Variants in EYS observed in about 807,000 individuals in gnomAD.
EYS encodes protein eyes shut homolog.
In EYS, 250 loss-of-function variants were observed where a neutral mutation model predicts 282.1. The ratio of observed to expected loss-of-function variants is 0.89; its 90% CI spans 0.80 to 0.98. EYS has a LOEUF of 0.98. EYS is among the 50% of genes least tolerant of loss of function. EYS has a pLI of 0.00. For synonymous variants in EYS, 1,355 were observed against 1,282.9 expected (o/e 1.06, Z -1.20); for missense variants, 4,016 against 3,709.0 (o/e 1.08, Z -2.15).
At chr6:64,952,892 A>G (rs988718802) in intron 14 of EYS, among the ~76,000 whole-genome samples, 1 of 152,016 alleles carries the variant, frequency 6.6e-6, no homozygotes, top group Admixed American at 6.6e-5. Context: ...ATTATCATCA[A>G]TAATAACATC....
chr6:64,257,898 G>T (rs1360544159), intron 30 of EYS, among the ~76,000 whole-genome samples: 2 of 151,872 alleles, frequency 1.3e-5, no homozygotes, highest in African/African-American at 4.8e-5. Context: ...TTACTTAATT[G>T]TTGACAACTA....
intron 30 of EYS, among the ~76,000 whole-genome samples, chr6:64,300,191 T>C (rs1769184325): frequency 6.6e-6 from 1 of 152,132 alleles, no homozygotes. Context: ...CATTAGAGGC[T>C]GGAGCCACGT....
At chr6:65,137,055 G>A (rs569777078) in intron 12 of EYS, among the ~76,000 whole-genome samples, 1 of 151,884 alleles carries the variant, frequency 6.6e-6, no homozygotes, top group Non-Finnish European at 1.5e-5. Flanking sequence ...GCAGATATTC[G>A]AGATACACAG....
At chr6:64,746,566 T>C (rs1196331662) in intron 22 of EYS, among the ~76,000 whole-genome samples, 1 of 152,198 alleles carries the variant, frequency 6.6e-6, no homozygotes, top group African/African-American at 2.4e-5. Context: ...CATTTATGTG[T>C]TTTTTAAACC....
chr6:64,159,662 C>T (rs1487144696), intron 31 of EYS, among the ~76,000 whole-genome samples: 1 of 151,698 alleles, frequency 6.6e-6, no homozygotes, highest in Admixed American at 6.6e-5. Context: ...GATGTGAAAC[C>T]CACAGATATG....
At chr6:65,223,681 C>A (rs1265348067) in intron 12 of EYS, among the ~76,000 whole-genome samples, 1 of 152,078 alleles carries the variant, frequency 6.6e-6, no homozygotes, top group Non-Finnish European at 1.5e-5. Context: ...TCACATTTGG[C>A]AAAAGCATTT....
chr6:63,970,397 A>AG (rs1766506928), intron 35 of EYS, among the ~76,000 whole-genome samples: 1 of 152,110 alleles, frequency 6.6e-6, no homozygotes, highest in Non-Finnish European at 1.5e-5. Flanking sequence ...GCACTTTGGG[A>AG]GGCCGAGGTG....
intron 9 of EYS, among the ~76,000 whole-genome samples, chr6:65,345,356 A>G (rs998662078): frequency 1.3e-5 from 2 of 151,822 alleles, no homozygotes; most frequent in African/African-American, 4.8e-5. Context: ...ACATTCTGAG[A>G]GTAATTAACT....
At chr6:64,670,360 T>C (rs1407980471) in intron 22 of EYS, among the ~76,000 whole-genome samples, 1 of 151,710 alleles carries the variant, frequency 6.6e-6, no homozygotes, top group Non-Finnish European at 1.5e-5. Flanking sequence ...CCTGATTAAC[T>C]TTGTCCAGTG....
intron 12 of EYS, among the ~76,000 whole-genome samples, chr6:65,210,535 T>C (rs904127505): frequency 6.6e-6 from 1 of 152,008 alleles, no homozygotes; most frequent in South Asian, 2.1e-4. Context: ...GCAGTTACTA[T>C]GCTCACTGGA....
chr6:64,705,071 A>G (rs754477470), intron 22 of EYS, among the ~76,000 whole-genome samples: 7 of 152,134 alleles, frequency 4.6e-5, no homozygotes, highest in Non-Finnish European at 1.0e-4. Flanking sequence ...ACGTTTACCT[A>G]GAATACCGTA....
At chr6:64,598,836 T>A (rs1383257235) in intron 24 of EYS, among the ~76,000 whole-genome samples, 1 of 152,118 alleles carries the variant, frequency 6.6e-6, no homozygotes, top group Non-Finnish European at 1.5e-5. Context: ...AGACAAAATA[T>A]CCCAAAATAC....
chr6:65,152,103 G>A (rs1764624724), intron 12 of EYS, among the ~76,000 whole-genome samples: 1 of 151,880 alleles, frequency 6.6e-6, no homozygotes, highest in East Asian at 1.9e-4. Context: ...TCCTAATGTT[G>A]TTCTTCATAG....
intron 22 of EYS, among the ~76,000 whole-genome samples, chr6:64,775,283 C>A (rs1278032772): frequency 2.0e-5 from 3 of 152,018 alleles, no homozygotes; most frequent in East Asian, 3.9e-4. Context: ...CCACATCCAG[C>A]CATTAGGTAA....
rs180868963 is a variant in EYS, at chr6:65,039,248, T to C, written c.2137+18366A>G. Among the ~76,000 whole-genome samples the C allele has an allele frequency of 6.5e-3, 982 of 151,698 alleles. 6 individuals carry two copies. The highest frequency in any genetic ancestry group is 0.034 in the Middle Eastern group (10 of 294). Reference sequence around the variant, plus strand: ...GTATGAATATCTACCATTTCCACCATCATTTTTTAAAAGGCTTTTATTTTC... The same window carrying C: ...GTATGAATATCTACCATTTCCACCACCATTTTTTAAAAGGCTTTTATTTTC... On this transcript the variant is annotated intron_variant, in intron 13 of 42. Coordinates refer to ENST00000503581, the MANE Select transcript of EYS (RefSeq NM_001142800.2).
Position 65,344,099 on chromosome 6 carries a change from T to G in EYS, c.1538A>C (p.Tyr513Ser), listed in dbSNP as rs202032818. The G allele has an allele frequency of 1.9e-5, 30 of 1,610,768 alleles. No individual in the cohort carries two copies. Among genetic ancestry groups the G allele is most frequent in the Non-Finnish European group, 2.5e-5 (30 of 1,177,880 alleles). ...LAANCTEDAT[Y>S]VNDPEDNNSS... is the part of the protein sequence containing the mutation. The stretch of plus-strand genomic sequence containing the variant: ...ATTATTATCTTCAGGATCGTTCACA[T>G]AGGTTGCATCTTCAGTGCAGTTTGC... Residue 513 changes from tyrosine to serine, a missense_variant, in exon 10 of 43, where the codon TAT becomes TCT. Physicochemically the swap from Tyr to Ser is moderately radical, Grantham distance 144. Transcript: ENST00000503581.
chr6:64,170,374 T>C (rs1377179190), intron 31 of EYS, among the ~76,000 whole-genome samples: 2 of 152,070 alleles, frequency 1.3e-5, no homozygotes, highest in African/African-American at 2.4e-5. Context: ...ACGTGGGTGG[T>C]TTAAAATAAC....
At chr6:63,844,067 A>C (rs1119577) in intron 36 of EYS, among the ~76,000 whole-genome samples, 151,315 of 152,280 alleles carry the variant, frequency 0.99, 75,185 homozygotes, top group East Asian at 1. Flanking sequence ...CATGTGTTCT[A>C]GTCATTCAGT....
Position 65,465,641 on chromosome 6 carries a change from A to G in EYS, c.862+24953T>C, listed in dbSNP as rs577949012. On this transcript the variant is annotated intron_variant, in intron 5 of 42. Transcript: ENST00000503581. ...GCACAATTAGCGTTGAGATAAATAA[A>G]TATATTTTTAAAATTCAAATTGGAG... Among the ~76,000 whole-genome samples, 3 of 152,300 alleles carry G rather than the reference A, an allele frequency of 2.0e-5. No individual in the cohort carries two copies. In the East Asian group the frequency reaches 5.8e-4, roughly 29 times the overall value.
Sources: allele counts gnomAD v4.1 joint callset (sites outside exome capture counted in the v4.1 genomes callset), GRCh38; gene constraint gnomAD v4.1.1; transcripts MANE v1.5; gene names NCBI Gene and HGNC (gene_info 2026-07-23, HGNC 2026-07-21).